The following DSCAML1 variants were observed in gnomAD, a reference collection of about 807,000 sequenced individuals.
DSCAML1 encodes the protein DS cell adhesion molecule like 1, also known as cell adhesion molecule DSCAML1.
DSCAML1 carries 38 observed loss-of-function variants against 200.5 expected under a neutral mutation model. The ratio of observed to expected loss-of-function variants is 0.19; its 90% CI spans 0.15 to 0.25. The LOEUF (loss-of-function observed/expected upper bound fraction) is 0.25, where lower values mean the gene tolerates loss of function less well. Ranked by LOEUF, DSCAML1 falls within the 10% of genes least tolerant of loss-of-function variation. The pLI is 1.00. For synonymous variants in DSCAML1, 1,215 were observed against 1,165.0 expected (o/e 1.04, Z -0.87); for missense variants, 2,223 against 2,858.8 (o/e 0.78, Z 5.07).
chr11:117,674,179 C>A (rs765140758), intron 3 of DSCAML1, among the ~76,000 whole-genome samples: 13 of 152,188 alleles, frequency 8.5e-5, no homozygotes, highest in Non-Finnish European at 1.3e-4. Flanking sequence ...CATAAGAATG[C>A]TGGTTCTGTC....
At chr11:117,637,344 A>G (rs1290634901) in intron 3 of DSCAML1, among the ~76,000 whole-genome samples, 1 of 139,022 alleles carries the variant, frequency 7.2e-6, no homozygotes, top group Non-Finnish European at 1.6e-5. Flanking sequence ...GTGCTCAATA[A>G]TTTTTTTTTT....
chr11:117,780,059 C>T lies in DSCAML1; in HGVS notation c.364+434G>A, dbSNP rs1399981573. Among the ~76,000 whole-genome samples the T allele has an allele frequency of 6.6e-6, 1 of 150,786 alleles. No individual in the cohort carries two copies. The highest frequency in any genetic ancestry group is 2.4e-5 in the African/African-American group (1 of 40,846). Reference sequence around the variant, plus strand: ...TGCATCCACTTTGCAGATGGGAAAACTGAGGCTTAGGAAGGTGTCTTCTCA... The same window carrying T: ...TGCATCCACTTTGCAGATGGGAAAATTGAGGCTTAGGAAGGTGTCTTCTCA... On this transcript the variant is annotated intron_variant, in intron 2 of 32. Transcript: ENST00000651296. This position sits in a 1 kb window ranked among gnomAD's most constrained non-coding sequence, Gnocchi z 4.8.
intron 19 of DSCAML1, among the ~76,000 whole-genome samples, chr11:117,453,446 C>G (rs865902218): frequency 1.3e-5 from 2 of 152,164 alleles, no homozygotes; most frequent in African/African-American, 4.8e-5. Context: ...GTGATACATT[C>G]TCTCAGTTTT....
At chr11:117,755,551 G>A (rs1268075352) in intron 3 of DSCAML1, among the ~76,000 whole-genome samples, 2 of 152,150 alleles carry the variant, frequency 1.3e-5, no homozygotes, top group African/African-American at 4.8e-5. Flanking sequence ...CCTTCCCTGG[G>A]AAGATTCCCA....
chr11:117,438,019 G>A lies in DSCAML1; in HGVS notation c.4308C>T (p.Ser1436=), dbSNP rs2305824. Residue 1436 remains serine, a synonymous_variant, in exon 25 of 33, where the codon AGC becomes AGT. Coordinates refer to ENST00000651296, the MANE Select transcript of DSCAML1 (RefSeq NM_020693.4). ...GGCTGTCCAGCTTGAAGGAGCGCTC[G>A]CTGGAGCTGATGAACACATCCTTCC... is the stretch of plus-strand genomic sequence containing the variant. The part of the protein sequence containing the change: ...EEWKDVFISS[S]ERSFKLDSLK... 1.4e-4 allele frequency: 228 copies of A among 1,614,096 alleles called. No individual in the cohort carries two copies. In the East Asian group the frequency reaches 4.4e-3, roughly 31 times the overall value.
At position 117,505,853 on chromosome 11, in the gene DSCAML1, A is replaced by G. The variant is rs1275944370; in HGVS notation, c.1784-121T>C. 2 of 1,242,090 alleles carry G rather than the reference A, an allele frequency of 1.6e-6. No homozygotes were observed. The highest frequency in any genetic ancestry group is 3.0e-5 in the African/African-American group (2 of 66,038). The allele number at this position is 1,242,090 out of a possible 1,614,324, so 76.9% of individuals were successfully genotyped here. A position where few individuals can be genotyped will look rare whatever the true frequency, so the allele number is the denominator to read the frequency against. On this transcript the variant is annotated intron_variant, in intron 8 of 32. Coordinates refer to ENST00000651296, the MANE Select transcript of DSCAML1 (RefSeq NM_020693.4). This position sits in a 1 kb window ranked among gnomAD's most constrained non-coding sequence, Gnocchi z 6.7. ...GCCTTGAACAAAGATCCCCTGGGGC[A>G]CTGCAGCCTTGTTCTCCTATGCATG...
chr11:117,651,878 T>C (rs2052640165), intron 3 of DSCAML1, among the ~76,000 whole-genome samples: 1 of 152,130 alleles, frequency 6.6e-6, no homozygotes, highest in African/African-American at 2.4e-5. Context: ...AGAAATAGGT[T>C]CAGGGAAACA....
At chr11:117,636,218 A>C (rs557614855) in intron 3 of DSCAML1, among the ~76,000 whole-genome samples, 1 of 151,816 alleles carries the variant, frequency 6.6e-6, no homozygotes, top group African/African-American at 2.4e-5. Flanking sequence ...TGATGGCTAC[A>C]TTGCATCGAA....
At chr11:117,537,066 A>G (rs2137355826) in intron 3 of DSCAML1, among the ~76,000 whole-genome samples, 1 of 152,342 alleles carries the variant, frequency 6.6e-6, no homozygotes, top group African/African-American at 2.4e-5. Flanking sequence ...AGCCTGGACC[A>G]TTAGTCGACT....
chr11:117,456,590 G>A (rs530577236), intron 19 of DSCAML1, among the ~76,000 whole-genome samples: 16 of 152,186 alleles, frequency 1.1e-4, no homozygotes, highest in African/African-American at 3.9e-4. Flanking sequence ...TATTCTGGAT[G>A]AGACGTCATC....
chr11:117,544,428 A>G (rs2050332981), intron 3 of DSCAML1, among the ~76,000 whole-genome samples: 1 of 152,124 alleles, frequency 6.6e-6, no homozygotes, highest in Non-Finnish European at 1.5e-5. Flanking sequence ...GTTGAGGGTG[A>G]TGGATACTTC....
intron 3 of DSCAML1, among the ~76,000 whole-genome samples, chr11:117,676,079 T>G (rs115981639): frequency 0.013 from 1,997 of 151,890 alleles, 47 homozygotes; most frequent in African/African-American, 0.046. Context: ...AAGTTTATCA[T>G]GATTGAAACA....
intron 16 of DSCAML1, among the ~76,000 whole-genome samples, chr11:117,467,144 C>T: frequency 6.6e-6 from 1 of 151,560 alleles, no homozygotes; most frequent in East Asian, 1.9e-4. Context: ...CAGGCTCGAA[C>T]CCTGATAGAC....
rs142009110 is a variant in DSCAML1, at chr11:117,643,693, G to A, written c.512-111171C>T. Among the ~76,000 whole-genome samples, 426 of 152,112 alleles carry A rather than the reference G, an allele frequency of 2.8e-3. 4 individuals carry two copies. Among genetic ancestry groups the A allele is most frequent in the African/African-American group, 9.8e-3 (406 of 41,482 alleles). On this transcript the variant is annotated intron_variant, in intron 3 of 32. Coordinates refer to ENST00000651296, the MANE Select transcript of DSCAML1 (RefSeq NM_020693.4). The stretch of plus-strand genomic sequence containing the variant: ...CCTCATCTCCTGCAGGGGAGGAGTG[G>A]GGGGTGCCCTCACTCCCCAGAAACA...
At chr11:117,600,293 C>G (rs977191098) in intron 3 of DSCAML1, among the ~76,000 whole-genome samples, 21 of 152,172 alleles carry the variant, frequency 1.4e-4, no homozygotes, top group African/African-American at 4.1e-4. Flanking sequence ...TGCAACACCT[C>G]CTTTCTCTGC....
intron 8 of DSCAML1, among the ~76,000 whole-genome samples, chr11:117,509,737 C>T (rs750832241): frequency 7.9e-5 from 12 of 152,306 alleles, no homozygotes; most frequent in Middle Eastern, 3.4e-3. Context: ...TGTGAGTCAG[C>T]GGCGCCCTCT....
At chr11:117,679,212 C>T (rs959684059) in intron 3 of DSCAML1, among the ~76,000 whole-genome samples, 1 of 152,216 alleles carries the variant, frequency 6.6e-6, no homozygotes, top group Non-Finnish European at 1.5e-5. Context: ...ATCCCCTGGG[C>T]CCAGCAGGCT....
intron 3 of DSCAML1, among the ~76,000 whole-genome samples, chr11:117,741,080 C>T (rs986251117): frequency 1.3e-5 from 2 of 152,248 alleles, no homozygotes; most frequent in Admixed American, 6.5e-5. Context: ...ATAAATATCC[C>T]TAGCAATCCT....
intron 3 of DSCAML1, among the ~76,000 whole-genome samples, chr11:117,533,696 C>T (rs2050120301): frequency 6.6e-6 from 1 of 152,164 alleles, no homozygotes; most frequent in Non-Finnish European, 1.5e-5. Context: ...CACACAAGAC[C>T]CCCCACTCCA....
Sources: gnomAD v4.1 joint callset for allele counts (sites outside exome capture counted in the v4.1 genomes callset) on GRCh38, gnomAD v4.1.1 for gene constraint, Gnocchi (gnomAD v3.1) non-coding constraint, MANE v1.5 for transcripts, NCBI Gene and HGNC (gene_info 2026-07-23, HGNC 2026-07-21) for gene names.